The following LGI3 variants were observed in gnomAD, a reference collection of about 807,000 sequenced individuals.
The protein encoded by LGI3 is leucine-rich repeat LGI family member 3.
Under a neutral mutation model 55.4 loss-of-function variants are expected in LGI3, and 47 were observed. The ratio of observed to expected loss-of-function variants is 0.85; its 90% CI spans 0.67 to 1.08. LGI3 has a LOEUF of 1.08. Among genes scored for constraint, LGI3 ranks in the 50% least tolerant of loss-of-function variants. LGI3 has a pLI of 0.00. For missense variants in LGI3, 664 were observed against 726.3 expected, an observed-to-expected ratio of 0.91 and a Z score of 0.99; for synonymous variants, 326 against 315.0, an observed-to-expected ratio of 1.04 and a Z score of -0.37.
Position 22,151,499 on chromosome 8 carries a change from A to C in LGI3, c.819T>G (p.Asp273Glu). 6.2e-7 allele frequency: 1 copy of C among 1,613,934 alleles called. No homozygotes were observed. Among genetic ancestry groups the C allele is most frequent in the Non-Finnish European group, 8.5e-7 (1 of 1,179,956 alleles). The change falls in exon 7 of 8, where the codon GAT becomes GAG. Residue 273 changes from aspartate to glutamate, a missense_variant. Physicochemically the swap from Asp to Glu is conservative, Grantham distance 45. Transcript: ENST00000306317. ...ATTGGGCGCAGGTACCTGGGATTCT[A>C]TCATAGTCTCGAAGCTGCCGCTCAA... is the stretch of plus-strand genomic sequence containing the variant. The part of the protein sequence containing the change: ...DYVERQLRDY[D>E]RIPAPSAVHC...
Position 22,148,987 on chromosome 8 carries a change from G to T in LGI3, c.830-10C>A. ...TGCACTGCAGAGGGGGCTGTGCCAGGACAGAGGCAGACAGCATCAGGCAGG... is the reference window on the plus strand; with the variant it reads ...TGCACTGCAGAGGGGGCTGTGCCAGTACAGAGGCAGACAGCATCAGGCAGG... On this transcript the variant is annotated splice_polypyrimidine_tract_variant and intron_variant, in intron 7 of 7. Coordinates refer to ENST00000306317, the MANE Select transcript of LGI3 (RefSeq NM_139278.4). The surrounding 1 kb of genome is among the most constrained non-coding windows in gnomAD (Gnocchi z 7.0). 6.3e-7 allele frequency: 1 copy of T among 1,587,704 alleles called. No homozygotes were observed.
At chr8:22,153,124 G>A (rs969595189) in intron 5 of LGI3, among the ~76,000 whole-genome samples, 8 of 139,102 alleles carry the variant, frequency 5.8e-5, no homozygotes, top group African/African-American at 1.9e-4. Context: ...TGCTCTTGTC[G>A]CCCAGGCTGG....
At chr8:22,154,104 G>A (rs1156595077) in intron 4 of LGI3, 38 bp downstream of exon 4, 1 of 1,612,370 alleles carries the variant, frequency 6.2e-7, no homozygotes, top group Admixed American at 1.7e-5. Context: ...AGGAGAGGTG[G>A]GGCTTTGGTG....
At chr8:22,153,908 A>C (rs1827449451) in intron 5 of LGI3, 60 bp downstream of exon 5, 1 of 1,546,916 alleles carries the variant, frequency 6.5e-7, no homozygotes, top group African/African-American at 1.4e-5. Context: ...CTCCCACACC[A>C]CTCCCTCCAG....
intron 5 of LGI3, among the ~76,000 whole-genome samples, chr8:22,152,754 A>AT (rs1309702750): frequency 2.6e-5 from 4 of 151,194 alleles, no homozygotes; most frequent in Non-Finnish European, 5.9e-5. Flanking sequence ...AAAAAAAAAA[A>AT]AAAAAGCACA....
At chr8:22,154,096 G>A (rs1174216014) in intron 4 of LGI3, 46 bp downstream of exon 4, 1 of 1,610,262 alleles carries the variant, frequency 6.2e-7, no homozygotes, top group South Asian at 1.1e-5. Context: ...AAGGCCACAG[G>A]AGAGGTGGGG....
intron 5 of LGI3, 60 bp from the exon 6 acceptor site, chr8:22,152,060 T>TGGGTAGGCAG: frequency 7.2e-7 from 1 of 1,392,372 alleles, no homozygotes; most frequent in Non-Finnish European, 9.8e-7. Flanking sequence ...GGGCTCTGCC[T>TGGGTAGGCAG]ACCCAGGCCC....
chr8:22,149,314 T>C (rs1168542431), intron 7 of LGI3, among the ~76,000 whole-genome samples: 4 of 152,242 alleles, frequency 2.6e-5, no homozygotes, highest in Non-Finnish European at 4.4e-5. Context: ...CTGTGCTGAA[T>C]GTAAGCACAT....
Position 22,154,171 on chromosome 8 carries a change from G to T in LGI3, c.393C>A (p.Thr131=). The change falls in exon 4 of 8, where the codon ACC becomes ACA. Residue 131 remains threonine (T), a synonymous_variant. Coordinates refer to ENST00000306317, the MANE Select transcript of LGI3 (RefSeq NM_139278.4). ...NNDIWALSKF[T]FRGLKSLTHL... The stretch of plus-strand genomic sequence containing the variant: ...GAGTCAAGGACTTGAGTCCTCGGAA[G>T]GTGAACTTGGATAGTGCCCAGATGT... 1 of 1,614,128 alleles carries T rather than the reference G, an allele frequency of 6.2e-7. No individual in the cohort carries two copies. The highest frequency in any genetic ancestry group is 8.5e-7 in the Non-Finnish European group (1 of 1,180,016).
Position 22,148,533 on chromosome 8 carries a change from G to A in LGI3, c.1274C>T (p.Ala425Val), listed in dbSNP as rs1281296057. Residue 425 changes from alanine (A) to valine (V), a missense_variant, in exon 8 of 8, where the codon GCT (alanine) becomes GTT (valine). Transcript: ENST00000306317. The surrounding 1 kb of genome is among the most constrained non-coding windows in gnomAD (Gnocchi z 7.0). ...GCGGCCGGCACGAAAGTGTTTCACA[G>A]CTTGGGCATCAGGCACCTGGGTCAC... ...GEVTQVPDAQ[A>V]VKHFRAGRDS... 1 of 1,613,662 alleles carries A rather than the reference G, an allele frequency of 6.2e-7. No individual in the cohort carries two copies. Among genetic ancestry groups the A allele is most frequent in the Non-Finnish European group, 8.5e-7 (1 of 1,180,022 alleles).
Position 22,147,966 on chromosome 8 carries a change from T to C in LGI3, c.*194A>G. On this transcript the variant is annotated 3_prime_UTR_variant, in exon 8 of 8. Coordinates refer to ENST00000306317, the MANE Select transcript of LGI3 (RefSeq NM_139278.4). ...GTGTCCCAGGGGTGCCTGGTGTTCA[T>C]GCTGATTGCAGTGATGATGCACGTC... is the stretch of plus-strand genomic sequence containing the variant. The C allele has an allele frequency of 1.8e-6, 1 of 558,132 alleles. No individual in the cohort carries two copies. The highest frequency in any genetic ancestry group is 3.1e-6 in the Non-Finnish European group (1 of 318,028). The allele number at this position is 558,132 out of a possible 1,614,324, so 34.6% of individuals were successfully genotyped here.
intron 1 of LGI3, among the ~76,000 whole-genome samples, chr8:22,155,915 T>A (rs1430205107): frequency 6.6e-6 from 1 of 152,220 alleles, no homozygotes; most frequent in East Asian, 1.9e-4. Flanking sequence ...GCCAAGTGGC[T>A]GGTCAGTGGC....
intron 2 of LGI3, 54 bp from the exon 3 acceptor site, chr8:22,154,685 C>T (rs1175760131): frequency 7.4e-7 from 1 of 1,356,324 alleles, no homozygotes; most frequent in South Asian, 1.2e-5. Flanking sequence ...GCTGCCCCAG[C>T]CCCCAGCCCG....
At chr8:22,150,292 T>C (rs182045029) in intron 7 of LGI3, among the ~76,000 whole-genome samples, 136 of 152,180 alleles carry the variant, frequency 8.9e-4, no homozygotes, top group Non-Finnish European at 1.3e-3. Flanking sequence ...TTCAAGTTCC[T>C]TAATGGAGAC....
rs778679674 is a variant in LGI3, at chr8:22,151,510, G to A, written c.808C>T (p.Arg270Ter). The stretch of plus-strand genomic sequence containing the variant: ...GTACCTGGGATTCTATCATAGTCTC[G>A]AAGCTGCCGCTCAACATAGTCCCAC... The part of the protein sequence containing the change: ...LKWDYVERQL[R>*]DYDRIPAPSA... The change falls in exon 7 of 8, where the codon CGA becomes TGA. Residue 270 changes from arginine to a stop codon, truncating the protein, a stop_gained. Transcript: ENST00000306317. LOFTEE classifies it high-confidence loss of function. The A allele has an allele frequency of 9.9e-6, 16 of 1,613,918 alleles. No homozygotes were observed. Among genetic ancestry groups the A allele is most frequent in the African/African-American group, 1.3e-5 (1 of 74,912 alleles).
At chr8:22,151,790 G>T (rs749915429) in intron 6 of LGI3, 41 bp downstream of exon 6, 1 of 1,583,068 alleles carries the variant, frequency 6.3e-7, no homozygotes, top group South Asian at 1.2e-5. Context: ...GCTGCCTTGG[G>T]GTAGGCGTGG....
At chr8:22,155,220 A>T (rs927945980) in intron 2 of LGI3, 172 bp downstream of exon 2, 9 of 663,388 alleles carry the variant, frequency 1.4e-5, no homozygotes, top group African/African-American at 3.6e-5. Flanking sequence ...GACTCCCCTG[A>T]CTCAAGGCTG....
At chr8:22,149,035 A>G (rs1184358678) in intron 7 of LGI3, 58 bp from the exon 8 acceptor site, 3 of 1,307,350 alleles carry the variant, frequency 2.3e-6, no homozygotes, top group Non-Finnish European at 2.1e-6. Context: ...ACTCCATCCA[A>G]CCCCCTTGGA....
chr8:22,156,354 G>A lies in LGI3; in HGVS notation c.189C>T (p.Pro63=). Residue 63 remains proline, a synonymous_variant, in exon 1 of 8, where the codon CCC becomes CCT. Coordinates refer to ENST00000306317, the MANE Select transcript of LGI3 (RefSeq NM_139278.4). ...ACACTCACAGGGAGATGACCTCCGA[G>A]GGCAGGTTCCTGGGCACCGCCTTTG... The part of the protein sequence containing the change: ...VDSKAVPRNL[P]SEVISLTLVN... 1 of 1,609,328 alleles carries A rather than the reference G, an allele frequency of 6.2e-7. No individual in the cohort carries two copies. Among genetic ancestry groups the A allele is most frequent in the Middle Eastern group, 1.7e-4 (1 of 5,790 alleles).
Sources: allele counts gnomAD v4.1 joint callset (sites outside exome capture counted in the v4.1 genomes callset), GRCh38; gene constraint gnomAD v4.1.1; non-coding constraint Gnocchi (gnomAD v3.1); transcripts MANE v1.5; gene names NCBI Gene and HGNC (gene_info 2026-07-23, HGNC 2026-07-21).